Variants in GRIN2B observed in about 807,000 individuals in gnomAD.
GRIN2B encodes the protein glutamate ionotropic receptor NMDA type subunit 2B.
A neutral mutation model predicts 114.5 loss-of-function variants in GRIN2B; 5 were observed. That is an observed-to-expected ratio of 0.04 (90% CI 0.02 to 0.09). GRIN2B has a LOEUF of 0.09. GRIN2B is among the 10% of genes least tolerant of loss of function. The pLI is 1.00. For synonymous variants in GRIN2B, 787 were observed against 745.1 expected (o/e 1.06, Z -0.92); for missense variants, 1,108 against 1,943.5 (o/e 0.57, Z 8.08).
chr12:13,895,669 A>G (rs1383101600), intron 2 of GRIN2B, among the ~76,000 whole-genome samples: 1 of 152,226 alleles, frequency 6.6e-6, no homozygotes, highest in Non-Finnish European at 1.5e-5. Flanking sequence ...CTTGTACAAC[A>G]TTAGGCTAGC....
chr12:13,681,741 G>C lies in GRIN2B; in HGVS notation c.1011-5882C>G, dbSNP rs537510542. Among the ~76,000 whole-genome samples, 26 of 151,992 alleles carry C rather than the reference G, an allele frequency of 1.7e-4. 1 individual carries two copies. Among genetic ancestry groups the C allele is most frequent in the African/African-American group, 6.0e-4 (25 of 41,470 alleles). On this transcript the variant is annotated intron_variant, in intron 4 of 13. Coordinates refer to ENST00000609686, the MANE Select transcript of GRIN2B (RefSeq NM_000834.5). ...GTAAGGTATCCAACATGATTTTATGGGATACATATAGATAGTAAAAAAGAT... is the reference window on the plus strand; with the variant it reads ...GTAAGGTATCCAACATGATTTTATGCGATACATATAGATAGTAAAAAAGAT...
intron 2 of GRIN2B, among the ~76,000 whole-genome samples, chr12:13,956,278 G>A (rs535357019): frequency 6.6e-6 from 1 of 152,160 alleles, no homozygotes. Context: ...GATGAACCAC[G>A]GACGCCCAGG....
intron 3 of GRIN2B, among the ~76,000 whole-genome samples, chr12:13,768,919 A>G (rs891771863): frequency 3.3e-5 from 5 of 152,102 alleles, no homozygotes; most frequent in Admixed American, 3.3e-4. Flanking sequence ...CGGTAGCCCC[A>G]GCTACTCAGG....
At chr12:13,930,724 G>A (rs1322079128) in intron 2 of GRIN2B, among the ~76,000 whole-genome samples, 2 of 152,080 alleles carry the variant, frequency 1.3e-5, no homozygotes, top group East Asian at 1.9e-4. Context: ...ATCAATCCCC[G>A]AGTGACAGAA....
intron 4 of GRIN2B, among the ~76,000 whole-genome samples, chr12:13,720,998 A>G (rs1950503514): frequency 6.6e-6 from 1 of 152,144 alleles, no homozygotes; most frequent in South Asian, 2.1e-4. Flanking sequence ...TAATGGTAGC[A>G]GCCATTTAGA....
intron 4 of GRIN2B, among the ~76,000 whole-genome samples, chr12:13,739,412 G>GAAAAAA (rs1565519594): frequency 1.1e-4 from 15 of 133,880 alleles, no homozygotes; most frequent in South Asian, 7.1e-4. Context: ...AGAAGAAAAG[G>GAAAAAA]AAAAAAAAAG....
chr12:13,697,870 T>A (rs948311431), intron 4 of GRIN2B, among the ~76,000 whole-genome samples: 9 of 152,224 alleles, frequency 5.9e-5, no homozygotes, highest in Non-Finnish European at 1.0e-4. Context: ...AGAATGTTGA[T>A]CCTGAGAGTG....
Position 13,806,762 on chromosome 12 carries a change from G to A in GRIN2B, c.412-52847C>T, listed in dbSNP as rs556179958. ...GTCTATTTTTACTTGTGTTGCTCAT[G>A]CTTTGGGGATCATATTTTTAAAAAA... On this transcript the variant is annotated intron_variant, in intron 3 of 13. Coordinates refer to ENST00000609686, the MANE Select transcript of GRIN2B (RefSeq NM_000834.5). Among the ~76,000 whole-genome samples the A allele has an allele frequency of 1.3e-4, 20 of 152,110 alleles. No individual in the cohort carries two copies. The South Asian group carries it at 3.9e-3, about 30-fold the overall frequency.
At chr12:13,626,797 C>T (rs923080946) in intron 5 of GRIN2B, among the ~76,000 whole-genome samples, 19 of 81,976 alleles carry the variant, frequency 2.3e-4, no homozygotes, top group African/African-American at 9.7e-4. Context: ...CTCCTTCTGA[C>T]TCACTCTCCC....
intron 5 of GRIN2B, among the ~76,000 whole-genome samples, chr12:13,652,705 C>A (rs1949826643): frequency 6.6e-6 from 1 of 152,236 alleles, no homozygotes; most frequent in South Asian, 2.1e-4. Flanking sequence ...AAAGGAGACA[C>A]AAATGGTTCA....
chr12:13,820,695 T>G (rs1864917762), intron 3 of GRIN2B, among the ~76,000 whole-genome samples: 2 of 152,202 alleles, frequency 1.3e-5, no homozygotes, highest in African/African-American at 2.4e-5. Context: ...ATAAATGAAC[T>G]GGGATGAGGG....
At chr12:13,866,848 A>G (rs1723750317) in intron 2 of GRIN2B, among the ~76,000 whole-genome samples, 1 of 152,234 alleles carries the variant, frequency 6.6e-6, no homozygotes, top group Admixed American at 6.5e-5. Context: ...CATTGCCTCA[A>G]TTGATCCTTA....
chr12:13,822,252 T>C (rs926224488), intron 3 of GRIN2B, among the ~76,000 whole-genome samples: 2 of 152,140 alleles, frequency 1.3e-5, no homozygotes, highest in African/African-American at 4.8e-5. Context: ...ACCACTCTTC[T>C]AATATAATAG....
At chr12:13,887,744 T>C (rs2136772635) in intron 2 of GRIN2B, among the ~76,000 whole-genome samples, 1 of 152,326 alleles carries the variant, frequency 6.6e-6, no homozygotes, top group South Asian at 2.1e-4. Flanking sequence ...TTTTATTTCT[T>C]TGGAGCAATC....
At chr12:13,913,091 T>C (rs1866652173) in intron 2 of GRIN2B, among the ~76,000 whole-genome samples, 1 of 152,206 alleles carries the variant, frequency 6.6e-6, no homozygotes, top group Admixed American at 6.5e-5. Context: ...GGAAAGCTAC[T>C]GTCCCATGTG....
At chr12:13,933,376 G>A (rs1376249632) in intron 2 of GRIN2B, among the ~76,000 whole-genome samples, 5 of 152,106 alleles carry the variant, frequency 3.3e-5, no homozygotes, top group Non-Finnish European at 5.9e-5. Flanking sequence ...CTCCGTTTTG[G>A]TCACTACCTG....
Position 13,557,050 on chromosome 12 carries a change from T to G in GRIN2B, c.*5733A>C, listed in dbSNP as rs956430511. 5 of 152,216 alleles carry G rather than the reference T, an allele frequency of 3.3e-5. No homozygotes were observed. Among genetic ancestry groups the G allele is most frequent in the Admixed American group, 6.5e-5 (1 of 15,282 alleles). 9.4% of individuals were successfully genotyped at this position (152,216 alleles called of 1,614,324 possible). On this transcript the variant is annotated 3_prime_UTR_variant, in exon 14 of 14. Transcript: ENST00000609686. ...ATTTAAGGTTTTGGGTGAGGGCCTT[T>G]GTCATAGGAATAGATAGGCTATCTC...
chr12:13,829,876 C>T (rs1277014904), intron 3 of GRIN2B, among the ~76,000 whole-genome samples: 2 of 152,162 alleles, frequency 1.3e-5, no homozygotes, highest in Non-Finnish European at 2.9e-5. Context: ...GGACCTGCCT[C>T]AAAGAGTCTT....
intron 3 of GRIN2B, among the ~76,000 whole-genome samples, chr12:13,799,846 G>C (rs1864476193): frequency 6.6e-6 from 1 of 151,960 alleles, no homozygotes; most frequent in Non-Finnish European, 1.5e-5. Context: ...GGGAGAGAAT[G>C]CATCAGGAGA....
Sources: gnomAD v4.1 joint callset for allele counts (sites outside exome capture counted in the v4.1 genomes callset) on GRCh38, gnomAD v4.1.1 for gene constraint, MANE v1.5 for transcripts, NCBI Gene and HGNC (gene_info 2026-07-23, HGNC 2026-07-21) for gene names.